Variants in TPD52L1 observed in about 807,000 individuals in gnomAD.
TPD52L1 encodes the protein TPD52 like 1, also known as tumor protein D53.
A neutral mutation model predicts 28.7 loss-of-function variants in TPD52L1; 18 were observed. That is an observed-to-expected ratio of 0.63 (90% confidence interval 0.43 to 0.93). The LOEUF is 0.93. Ranked by LOEUF, TPD52L1 falls within the 40% of genes least tolerant of loss-of-function variation. The pLI is 0.00. For missense variants in TPD52L1, 203 were observed against 254.8 expected (o/e 0.80, Z 1.39); for synonymous variants, 75 against 88.8 (o/e 0.84, Z 0.88).
chr6:125,186,195 T>C (rs1336162794), intron 1 of TPD52L1, among the ~76,000 whole-genome samples: 2 of 152,148 alleles, frequency 1.3e-5, no homozygotes, highest in African/African-American at 4.8e-5. Flanking sequence ...GGAAACTAGA[T>C]TTTTAAACCT....
At chr6:125,193,988 T>G (rs1475256674) in intron 1 of TPD52L1, among the ~76,000 whole-genome samples, 1 of 150,168 alleles carries the variant, frequency 6.7e-6, no homozygotes, top group African/African-American at 2.5e-5. Context: ...ATGATTCAGA[T>G]AAATAGAGAA....
intron 1 of TPD52L1, among the ~76,000 whole-genome samples, chr6:125,155,714 GA>G (rs1240213735): frequency 1.3e-5 from 2 of 152,190 alleles, no homozygotes; most frequent in Non-Finnish European, 2.9e-5. Flanking sequence ...GCGAGAGCCT[GA>G]AAAACTATAA....
chr6:125,180,567 T>TACACAC (rs201759232), intron 1 of TPD52L1, among the ~76,000 whole-genome samples: 8 of 146,872 alleles, frequency 5.4e-5, no homozygotes, highest in East Asian at 2.5e-4. Flanking sequence ...ATATATTATA[T>TACACAC]ATACACACAC....
At position 125,163,916 on chromosome 6, in the gene TPD52L1, C is replaced by CA. The variant is rs779811391; in HGVS notation, c.19+9961dup. On this transcript the variant is annotated intron_variant, in intron 1 of 6. Coordinates refer to ENST00000534000, the MANE Select transcript of TPD52L1 (RefSeq NM_003287.4). Reference sequence around the variant, plus strand: ...TGGGTGACAGAGTGACACTCTGTCTCAAAAAAAAAAAAAAAGAAAACAAAA... The same window carrying CA: ...TGGGTGACAGAGTGACACTCTGTCTCAAAAAAAAAAAAAAAAGAAAACAAAA... Among the ~76,000 whole-genome samples the CA allele has an allele frequency of 5.5e-3, 403 of 73,032 alleles. 3 individuals carry two copies. Among genetic ancestry groups the CA allele is most frequent in the East Asian group, 0.019 (44 of 2,280 alleles). The allele number at this position is 73,032 out of a possible 152,430, so 47.9% of individuals were successfully genotyped here.
intron 1 of TPD52L1, among the ~76,000 whole-genome samples, chr6:125,159,759 G>A (rs1790384656): frequency 1.5e-5 from 2 of 135,748 alleles, no homozygotes; most frequent in Admixed American, 7.6e-5. Context: ...GCTGAAGAGT[G>A]GATGTTGTGT....
At chr6:125,173,321 A>G (rs1791616434) in intron 1 of TPD52L1, among the ~76,000 whole-genome samples, 1 of 152,232 alleles carries the variant, frequency 6.6e-6, no homozygotes, top group Non-Finnish European at 1.5e-5. Flanking sequence ...CACACGGTCC[A>G]AGGAATGGTT....
intron 1 of TPD52L1, among the ~76,000 whole-genome samples, chr6:125,160,655 C>T (rs781662339): frequency 1.2e-4 from 18 of 152,170 alleles, no homozygotes; most frequent in East Asian, 3.9e-4. Context: ...AGCCAAGCAT[C>T]GACTCCTCCT....
At chr6:125,206,214 C>T (rs189502773) in intron 1 of TPD52L1, among the ~76,000 whole-genome samples, 1 of 152,164 alleles carries the variant, frequency 6.6e-6, no homozygotes, top group Non-Finnish European at 1.5e-5. Flanking sequence ...TTCAGAAGGA[C>T]AATAAATGTT....
Position 125,263,048 on chromosome 6 carries a change from T to C in TPD52L1, c.*86T>C, listed in dbSNP as rs987315468. 1 of 1,441,894 alleles carries C rather than the reference T, an allele frequency of 6.9e-7. No homozygotes were observed. Among genetic ancestry groups the C allele is most frequent in the African/African-American group, 1.4e-5 (1 of 69,656 alleles). The allele number at this position is 1,441,894 out of a possible 1,614,324, so 89.3% of individuals were successfully genotyped here. A position where few individuals can be genotyped will look rare whatever the true frequency, so the allele number is the denominator to read the frequency against. Reference sequence around the variant, plus strand: ...GCTTATCCAGATAAGAAGACCAAAATCCCGCTGGGAAAAACCCAGGCCTTG... The same window carrying C: ...GCTTATCCAGATAAGAAGACCAAAACCCCGCTGGGAAAAACCCAGGCCTTG... On this transcript the variant is annotated 3_prime_UTR_variant, in exon 7 of 7. Transcript: ENST00000534000.
intron 4 of TPD52L1, among the ~76,000 whole-genome samples, chr6:125,251,213 T>C (rs1039445485): frequency 1.5e-4 from 23 of 152,178 alleles, no homozygotes; most frequent in Non-Finnish European, 2.5e-4. Context: ...TAAAATTTGG[T>C]CACAGACCTT....
chr6:125,214,879 T>C (rs763817463), intron 1 of TPD52L1, among the ~76,000 whole-genome samples: 2 of 152,222 alleles, frequency 1.3e-5, no homozygotes, highest in Non-Finnish European at 2.9e-5. Flanking sequence ...TCCTACAAGG[T>C]ATCCATTTTA....
rs966834791 is a variant in TPD52L1, at chr6:125,161,661, T to G, written c.19+7691T>G. 3.3e-5 allele frequency among the ~76,000 whole-genome samples: 5 copies of G among 152,170 alleles called. No individual in the cohort carries two copies. The East Asian group carries it at 5.8e-4, about 18-fold the overall frequency. On this transcript the variant is annotated intron_variant, in intron 1 of 6. Coordinates refer to ENST00000534000, the MANE Select transcript of TPD52L1 (RefSeq NM_003287.4). ...GGAGAGAGATAGGGAAATGGGTGGC[T>G]GGTGGAGCAGTCAGAACACACACAG...
intron 1 of TPD52L1, among the ~76,000 whole-genome samples, chr6:125,217,348 A>G (rs1794952229): frequency 6.6e-6 from 1 of 152,184 alleles, no homozygotes; most frequent in Admixed American, 6.5e-5. Context: ...ATGTAAAATC[A>G]GTGGGAGCCC....
intron 4 of TPD52L1, 66 bp downstream of exon 4, chr6:125,248,449 G>C (rs1797053810): frequency 9.2e-7 from 1 of 1,091,122 alleles, no homozygotes. Context: ...GGGAGCACTA[G>C]CTATTAGCTG....
At chr6:125,243,487 G>A (rs61468620) in intron 3 of TPD52L1, among the ~76,000 whole-genome samples, 1 of 151,830 alleles carries the variant, frequency 6.6e-6, no homozygotes, top group African/African-American at 2.4e-5. Flanking sequence ...TCTTGGAGGA[G>A]GCTTTGTTCA....
Position 125,212,410 on chromosome 6 carries a change from T to G in TPD52L1, c.20-7668T>G, listed in dbSNP as rs557643192. On this transcript the variant is annotated intron_variant, in intron 1 of 6. Transcript: ENST00000534000. ...TGCCAACAATGCAGGATATGGCTAC[T>G]GATCCAAAATCATAGTTTGTAATCA... 6.5e-4 allele frequency among the ~76,000 whole-genome samples: 99 copies of G among 152,338 alleles called. 2 individuals are homozygous for G. The South Asian group carries it at 0.02, about 31-fold the overall frequency.
At chr6:125,177,757 G>C (rs73771254) in intron 1 of TPD52L1, among the ~76,000 whole-genome samples, 18,614 of 152,064 alleles carry the variant, frequency 0.12, 1,294 homozygotes, top group East Asian at 0.36. Context: ...GCTTGCAAGT[G>C]TTATACTATT....
At chr6:125,177,135 A>G (rs938095172) in intron 1 of TPD52L1, among the ~76,000 whole-genome samples, 2 of 152,216 alleles carry the variant, frequency 1.3e-5, no homozygotes, top group Non-Finnish European at 2.9e-5. Context: ...TTTGAGATAC[A>G]TTCACCCGTA....
chr6:125,189,200 T>G (rs1444614830), intron 1 of TPD52L1, among the ~76,000 whole-genome samples: 1 of 152,222 alleles, frequency 6.6e-6, no homozygotes, highest in Non-Finnish European at 1.5e-5. Flanking sequence ...AATTTCCATA[T>G]GAAACTAAGC....
Sources: gnomAD v4.1 joint callset for allele counts (sites outside exome capture counted in the v4.1 genomes callset) on GRCh38, gnomAD v4.1.1 for gene constraint, MANE v1.5 for transcripts, NCBI Gene and HGNC (gene_info 2026-07-23, HGNC 2026-07-21) for gene names.